The following WWOX variants were observed in gnomAD, a reference collection of about 807,000 sequenced individuals.
WWOX encodes the protein WW domain containing oxidoreductase.
In WWOX, 69 loss-of-function variants were observed where a neutral mutation model predicts 46.2. That is an observed-to-expected ratio of 1.49 (90% CI 1.23 to 1.82). The LOEUF (loss-of-function observed/expected upper bound fraction) is 1.82, where lower values mean the gene tolerates loss of function less well. Among genes scored for constraint, WWOX ranks in the 40% most tolerant of loss-of-function variants. The probability of loss-of-function intolerance (pLI) is 0.00; values close to 1 mark genes in which losing one functional copy is unlikely to be tolerated. For synonymous variants in WWOX, 359 were observed against 202.6 expected, an observed-to-expected ratio of 1.77 and a Z score of -6.56; for missense variants, 919 against 542.6, an observed-to-expected ratio of 1.69 and a Z score of -6.89.
chr16:79,083,296 G>A (rs1198276829), intron 8 of WWOX, among the ~76,000 whole-genome samples: 2 of 152,240 alleles, frequency 1.3e-5, no homozygotes, highest in Non-Finnish European at 2.9e-5. Flanking sequence ...GAAATATTAA[G>A]AGCCAGTGTG....
chr16:78,815,107 C>G (rs1269940772), intron 8 of WWOX, among the ~76,000 whole-genome samples: 1 of 152,096 alleles, frequency 6.6e-6, no homozygotes, highest in Non-Finnish European at 1.5e-5. Flanking sequence ...GGCAGATTGT[C>G]TGAGGTCAGG....
At chr16:79,151,923 A>C (rs919327307) in intron 8 of WWOX, among the ~76,000 whole-genome samples, 7 of 152,198 alleles carry the variant, frequency 4.6e-5, no homozygotes, top group African/African-American at 1.7e-4. Context: ...ATGAAATATC[A>C]CATGTAAATA....
chr16:79,171,849 T>A (rs970987102), intron 8 of WWOX, among the ~76,000 whole-genome samples: 60 of 152,252 alleles, frequency 3.9e-4, no homozygotes, highest in Non-Finnish European at 8.1e-4. Context: ...AAAAAAAAAT[T>A]ACCAAAACAA....
At position 79,212,352 on chromosome 16, in the gene WWOX, CACCCAGAGGGAGTAGAAT is replaced by C. The variant is rs2051794117; in HGVS notation, c.*559_*576del. 12 of 614,210 alleles carry C rather than the reference CACCCAGAGGGAGTAGAAT, an allele frequency of 2.0e-5. 1 individual carries two copies. The East Asian group carries it at 3.5e-4, about 18-fold the overall frequency. The allele number at this position is 614,210 out of a possible 1,614,324, so 38.0% of individuals were successfully genotyped here. On this transcript the variant is annotated 3_prime_UTR_variant, in exon 9 of 9. Coordinates refer to ENST00000566780, the MANE Select transcript of WWOX (RefSeq NM_016373.4). Reference sequence around the variant, plus strand: ...TCCCAGCCAGTGAGGATGACAGTGACACCCAGAGGGAGTAGAATACGCAGAACTACCAGGTGGCAAAGT... The same window carrying C: ...TCCCAGCCAGTGAGGATGACAGTGACACGCAGAACTACCAGGTGGCAAAGT...
chr16:78,134,353 T>G (rs60313004), intron 4 of WWOX, among the ~76,000 whole-genome samples: 55 of 141,248 alleles, frequency 3.9e-4, no homozygotes, highest in African/African-American at 1.2e-3. Flanking sequence ...ATTTTTTTTT[T>G]TGGGTGCAGT....
chr16:79,212,116 C>T lies in WWOX; in HGVS notation c.*320C>T. 3.3e-6 allele frequency: 5 copies of T among 1,535,456 alleles called. No individual in the cohort carries two copies. Among genetic ancestry groups the T allele is most frequent in the South Asian group, 1.2e-5 (1 of 83,948 alleles). On this transcript the variant is annotated 3_prime_UTR_variant, in exon 9 of 9. Coordinates refer to ENST00000566780, the MANE Select transcript of WWOX (RefSeq NM_016373.4). ...AGCACCAGCAATTCTCTTTCTTTTA[C>T]TGTTATAGAATAGCCTGAGGTCCCC...
At chr16:78,997,591 G>T (rs192100992) in intron 8 of WWOX, among the ~76,000 whole-genome samples, 13 of 152,030 alleles carry the variant, frequency 8.6e-5, no homozygotes, top group African/African-American at 3.1e-4. Flanking sequence ...ATTGACGCTC[G>T]TGTCACTGAT....
At chr16:78,629,315 A>G (rs114476922) in intron 8 of WWOX, among the ~76,000 whole-genome samples, 4,418 of 151,694 alleles carry the variant, frequency 0.029, 223 homozygotes, top group African/African-American at 0.1. Context: ...CCAGGAGCAC[A>G]CTTGATAGCA....
At chr16:78,253,823 G>A (rs1430764544) in intron 5 of WWOX, among the ~76,000 whole-genome samples, 1 of 152,104 alleles carries the variant, frequency 6.6e-6, no homozygotes, top group Non-Finnish European at 1.5e-5. Flanking sequence ...GCTATGTCCT[G>A]GTGACTTGGG....
intron 8 of WWOX, among the ~76,000 whole-genome samples, chr16:79,059,553 C>T (rs888268208): frequency 6.6e-6 from 1 of 152,130 alleles, no homozygotes; most frequent in South Asian, 2.1e-4. Flanking sequence ...TGCAATGGCG[C>T]GATCTCGGCT....
intron 8 of WWOX, among the ~76,000 whole-genome samples, chr16:79,128,383 AAAC>A (rs1249520471): frequency 6.6e-6 from 1 of 151,416 alleles, no homozygotes; most frequent in Non-Finnish European, 1.5e-5. Context: ...AAAAAACAAA[AAAC>A]AAAAAAAAAA....
At chr16:78,144,471 A>ATACG (rs2034113831) in intron 4 of WWOX, among the ~76,000 whole-genome samples, 3 of 33,586 alleles carry the variant, frequency 8.9e-5, no homozygotes, top group East Asian at 8.1e-4. Flanking sequence ...ATACACACAT[A>ATACG]TATATATATA....
intron 8 of WWOX, among the ~76,000 whole-genome samples, chr16:78,964,377 C>T (rs1448169469): frequency 1.3e-5 from 2 of 152,074 alleles, no homozygotes; most frequent in Non-Finnish European, 2.9e-5. Context: ...GGAATTGGAG[C>T]ACAGGTGACT....
At chr16:78,148,911 A>G (rs1283805899) in intron 4 of WWOX, among the ~76,000 whole-genome samples, 2 of 151,030 alleles carry the variant, frequency 1.3e-5, no homozygotes, top group African/African-American at 4.8e-5. Flanking sequence ...AAAAAAAAAA[A>G]AAAAAAAAAA....
At chr16:78,482,156 C>T (rs1357560814) in intron 8 of WWOX, among the ~76,000 whole-genome samples, 2 of 152,158 alleles carry the variant, frequency 1.3e-5, no homozygotes, top group Non-Finnish European at 2.9e-5. Context: ...TTTTACATCA[C>T]AGTTCCACAG....
chr16:78,216,212 G>A (rs955257789), intron 5 of WWOX, among the ~76,000 whole-genome samples: 1 of 152,106 alleles, frequency 6.6e-6, no homozygotes, highest in African/African-American at 2.4e-5. Context: ...AACAATGGGG[G>A]GAGTAATAAT....
At chr16:78,493,343 G>A (rs1382825357) in intron 8 of WWOX, among the ~76,000 whole-genome samples, 1 of 152,172 alleles carries the variant, frequency 6.6e-6, no homozygotes, top group East Asian at 1.9e-4. Context: ...GGAAAGAAAG[G>A]ATTCACTGCA....
chr16:78,129,064 T>G (rs2033481490), intron 4 of WWOX, among the ~76,000 whole-genome samples: 1 of 152,168 alleles, frequency 6.6e-6, no homozygotes, highest in Non-Finnish European at 1.5e-5. Context: ...AGTCAGATTT[T>G]TGGCAAGGGA....
chr16:78,905,978 C>G, intron 8 of WWOX, among the ~76,000 whole-genome samples: 1 of 152,276 alleles, frequency 6.6e-6, no homozygotes, highest in East Asian at 1.9e-4. Flanking sequence ...TAGCTGCATG[C>G]TTGCCACTTA....
Sources: allele counts gnomAD v4.1 joint callset (sites outside exome capture counted in the v4.1 genomes callset), GRCh38; gene constraint gnomAD v4.1.1; transcripts MANE v1.5; gene names NCBI Gene and HGNC (gene_info 2026-07-23, HGNC 2026-07-21).